NRXN1: variants seen among roughly 807,000 people sequenced by gnomAD.
NRXN1 encodes the protein neurexin-1.
Under a neutral mutation model 150.9 loss-of-function variants are expected in NRXN1, and 39 were observed. The observed-to-expected ratio is 0.26, with a 90% CI of 0.20 to 0.34. NRXN1 has a LOEUF of 0.34. NRXN1 is among the 10% of genes least tolerant of loss of function. The pLI is 1.00. For synonymous variants in NRXN1, 924 were observed against 757.0 expected (o/e 1.22, Z -3.62); for missense variants, 1,815 against 1,949.9 (o/e 0.93, Z 1.30).
chr2:50,371,282 C>T (rs545185062), intron 17 of NRXN1, among the ~76,000 whole-genome samples: 3 of 152,090 alleles, frequency 2.0e-5, no homozygotes, highest in Admixed American at 2.0e-4. Flanking sequence ...GAAATTGAGA[C>T]TTAAGAACAT....
chr2:50,790,993 G>C (rs1341250115), intron 5 of NRXN1, among the ~76,000 whole-genome samples: 1 of 150,732 alleles, frequency 6.6e-6, no homozygotes, highest in East Asian at 1.9e-4. Context: ...TGTACTAGTA[G>C]CTGATTTTTA....
chr2:50,150,317 T>C (rs934120397), intron 18 of NRXN1, among the ~76,000 whole-genome samples: 11 of 151,878 alleles, frequency 7.2e-5, no homozygotes, highest in African/African-American at 2.4e-4. Flanking sequence ...TACCAGCACT[T>C]GCAATGAACA....
chr2:50,727,189 T>C (rs547142410), intron 5 of NRXN1, among the ~76,000 whole-genome samples: 1 of 152,200 alleles, frequency 6.6e-6, no homozygotes, highest in Non-Finnish European at 1.5e-5. Flanking sequence ...CTTAAAGAGA[T>C]ATAATTCCTT....
chr2:50,667,993 C>T (rs777290679), intron 5 of NRXN1, among the ~76,000 whole-genome samples: 1 of 151,994 alleles, frequency 6.6e-6, no homozygotes, highest in Non-Finnish European at 1.5e-5. Flanking sequence ...GAATTCTATA[C>T]ATCACTCATC....
chr2:50,898,407 G>C (rs1682357774), intron 5 of NRXN1, among the ~76,000 whole-genome samples: 1 of 152,122 alleles, frequency 6.6e-6, no homozygotes, highest in Admixed American at 6.6e-5. Flanking sequence ...GTATAAGAGA[G>C]GAAGTGGCAT....
intron 19 of NRXN1, among the ~76,000 whole-genome samples, chr2:50,074,381 A>C (rs1183988359): frequency 6.6e-6 from 1 of 152,124 alleles, no homozygotes; most frequent in Non-Finnish European, 1.5e-5. Flanking sequence ...AAAGGTAGTC[A>C]AGTCTATTTG....
chr2:50,367,793 C>G (rs1359728272), intron 17 of NRXN1, among the ~76,000 whole-genome samples: 2 of 151,956 alleles, frequency 1.3e-5, no homozygotes, highest in Non-Finnish European at 2.9e-5. Flanking sequence ...GCTTATTGGC[C>G]AGGTGCTTAC....
chr2:50,067,258 T>G (rs1012076139), intron 19 of NRXN1, among the ~76,000 whole-genome samples: 1 of 152,212 alleles, frequency 6.6e-6, no homozygotes, highest in Non-Finnish European at 1.5e-5. Flanking sequence ...TTCACATCCC[T>G]CTCTTATGTG....
rs2091693702 is a variant in NRXN1 at position 50,497,362 on chromosome 2, A to G, written c.2850T>C (p.Asn950=). The G allele has an allele frequency of 3.2e-6, 5 of 1,550,226 alleles. No individual in the cohort carries two copies. The highest frequency in any genetic ancestry group is 2.6e-6 in the Non-Finnish European group (3 of 1,147,358). ...GLILYNSGDG[N]DFIVVELVKG... ...TAACTAATTCAACCACAATAAAGTC[A>G]TTTCCATCCCCACTGTTATATAGAA... Residue 950 remains asparagine, a synonymous_variant, in exon 14 of 23, where the codon AAT becomes AAC. Transcript: ENST00000401669.
At chr2:50,974,227 T>C (rs116512475) in intron 2 of NRXN1, among the ~76,000 whole-genome samples, 276 of 152,298 alleles carry the variant, frequency 1.8e-3, no homozygotes, top group African/African-American at 6.4e-3. Context: ...GATAAAGACT[T>C]TTGGTACAAA....
intron 5 of NRXN1, among the ~76,000 whole-genome samples, chr2:50,690,484 C>A (rs1258025420): frequency 6.6e-6 from 1 of 152,104 alleles, no homozygotes; most frequent in East Asian, 1.9e-4. Context: ...GCCATCACAG[C>A]CTTGCACATG....
chr2:50,977,032 A>G (rs1264840130), intron 2 of NRXN1, among the ~76,000 whole-genome samples: 1 of 152,004 alleles, frequency 6.6e-6, no homozygotes, highest in Admixed American at 6.6e-5. Flanking sequence ...GCACTTCTTA[A>G]TTAACCAAAC....
At chr2:50,817,181 C>G (rs1559304599) in intron 5 of NRXN1, among the ~76,000 whole-genome samples, 1 of 151,938 alleles carries the variant, frequency 6.6e-6, no homozygotes, top group Non-Finnish European at 1.5e-5. Context: ...AATATTTTCC[C>G]AGTTAGAATC....
At chr2:50,236,121 T>C (rs11895273) in intron 18 of NRXN1, among the ~76,000 whole-genome samples, 19,466 of 152,018 alleles carry the variant, frequency 0.13, 1,362 homozygotes, top group African/African-American at 0.17. Flanking sequence ...AAGTTTTTCA[T>C]TCATGACTAT....
intron 2 of NRXN1, among the ~76,000 whole-genome samples, chr2:51,024,268 T>G (rs181456199): frequency 6.6e-6 from 1 of 152,160 alleles, no homozygotes; most frequent in African/African-American, 2.4e-5. Context: ...AAAGGTGACA[T>G]TTTTGCTTAG....
At chr2:50,933,131 C>A (rs1302718944) in intron 2 of NRXN1, among the ~76,000 whole-genome samples, 2 of 152,058 alleles carry the variant, frequency 1.3e-5, no homozygotes, top group African/African-American at 4.8e-5. Context: ...AATGTGTTTA[C>A]CCATGGGCAT....
At chr2:50,395,836 C>A (rs1403093930) in intron 17 of NRXN1, among the ~76,000 whole-genome samples, 1 of 152,112 alleles carries the variant, frequency 6.6e-6, no homozygotes, top group Non-Finnish European at 1.5e-5. Flanking sequence ...CCTTGCCTTT[C>A]TGATGGCTAC....
At chr2:49,982,347 A>G (rs1451541140) in intron 21 of NRXN1, among the ~76,000 whole-genome samples, 2 of 152,154 alleles carry the variant, frequency 1.3e-5, no homozygotes, top group Non-Finnish European at 2.9e-5. Flanking sequence ...GTTAGAATTT[A>G]TTATTAAAAT....
intron 2 of NRXN1, among the ~76,000 whole-genome samples, chr2:50,951,993 G>T (rs1691443703): frequency 2.6e-5 from 3 of 115,640 alleles, no homozygotes; most frequent in South Asian, 5.4e-4. Context: ...TTGAGACGGA[G>T]TCTCGCTCTG....
Sources: allele counts gnomAD v4.1 joint callset (sites outside exome capture counted in the v4.1 genomes callset), GRCh38; gene constraint gnomAD v4.1.1; transcripts MANE v1.5; gene names NCBI Gene and HGNC (gene_info 2026-07-23, HGNC 2026-07-21).